GABBR2: variants seen among roughly 807,000 people sequenced by gnomAD.
GABBR2 encodes the protein gamma-aminobutyric acid type B receptor subunit 2.
Under a neutral mutation model 105.6 loss-of-function variants are expected in GABBR2, and 23 were observed. The ratio of observed to expected loss-of-function variants is 0.22; its 90% CI spans 0.16 to 0.31. The LOEUF (loss-of-function observed/expected upper bound fraction) is 0.31. GABBR2 is among the 10% of genes least tolerant of loss of function. GABBR2 has a pLI of 1.00. For missense variants in GABBR2, 734 were observed against 1,245.5 expected, an observed-to-expected ratio of 0.59 and a Z score of 6.18; for synonymous variants, 478 against 499.7, an observed-to-expected ratio of 0.96 and a Z score of 0.58.
chr9:98,679,851 T>C (rs1225409776), intron 1 of GABBR2, among the ~76,000 whole-genome samples: 2 of 152,172 alleles, frequency 1.3e-5, no homozygotes, highest in Non-Finnish European at 2.9e-5. Context: ...GGCAAATTCC[T>C]CCCAGTTTAT....
At chr9:98,514,771 C>T (rs1827724456) in intron 3 of GABBR2, among the ~76,000 whole-genome samples, 1 of 152,042 alleles carries the variant, frequency 6.6e-6, no homozygotes, top group South Asian at 2.1e-4. Context: ...GCACGTTGTG[C>T]ACATGTACCC....
chr9:98,463,847 G>A (rs1008590638), intron 6 of GABBR2, among the ~76,000 whole-genome samples: 1 of 152,178 alleles, frequency 6.6e-6, no homozygotes, highest in African/African-American at 2.4e-5. Flanking sequence ...TGTTGACCGG[G>A]CTGGTGTCCA....
intron 1 of GABBR2, among the ~76,000 whole-genome samples, chr9:98,691,647 CTGTCCACAG>C (rs2131878884): frequency 6.6e-6 from 1 of 152,338 alleles, no homozygotes; most frequent in African/African-American, 2.4e-5. Context: ...GTTCAGCTCT[CTGTCCACAG>C]TGTCTCTTGC....
chr9:98,593,486 G>C lies in GABBR2; in HGVS notation c.322-15414C>G, dbSNP rs142971507. On this transcript the variant is annotated intron_variant, in intron 1 of 18. Coordinates refer to ENST00000259455, the MANE Select transcript of GABBR2 (RefSeq NM_005458.8). ...GAACAAGAGGAAGAGTAGCCTCTAG[G>C]AGAGAGGGGAGTCCTAGTTTCCTTC... 4.8e-3 allele frequency among the ~76,000 whole-genome samples: 736 copies of C among 152,260 alleles called. 7 individuals carry two copies. Among genetic ancestry groups the C allele is most frequent in the African/African-American group, 0.016 (685 of 41,538 alleles).
rs376323708 is a variant in GABBR2 at position 98,684,169 on chromosome 9, T to TTAAAAAAAAAAAA, written c.321+24247_321+24248insTTTTTTTTTTTTA. Among the ~76,000 whole-genome samples the TTAAAAAAAAAAAA allele has an allele frequency of 2.6e-3, 173 of 66,138 alleles. 33 individuals are homozygous for TTAAAAAAAAAAAA. The highest frequency in any genetic ancestry group is 9.5e-3 in the East Asian group (18 of 1,890). 43.4% of individuals were successfully genotyped at this position (66,138 alleles called of 152,430 possible). On this transcript the variant is annotated intron_variant, in intron 1 of 18. Transcript: ENST00000259455. ...AAAAGAAGAATGCATTTTACCACGG[T>TTAAAAAAAAAAAA]AAAAAAAAAAAAAAAAAAAAAAAAA... is the stretch of plus-strand genomic sequence containing the variant.
chr9:98,595,218 C>T (rs2131799296), intron 1 of GABBR2, among the ~76,000 whole-genome samples: 1 of 152,162 alleles, frequency 6.6e-6, no homozygotes, highest in African/African-American at 2.4e-5. Flanking sequence ...TGGGTCCTCA[C>T]ATGGTGGGAG....
intron 1 of GABBR2, among the ~76,000 whole-genome samples, chr9:98,666,997 T>C (rs1588275430): frequency 6.6e-6 from 1 of 152,212 alleles, no homozygotes; most frequent in East Asian, 1.9e-4. Flanking sequence ...TCCGTGGTCC[T>C]TTGCCCAATT....
chr9:98,354,283 C>T (rs1253783969), intron 13 of GABBR2, among the ~76,000 whole-genome samples: 1 of 152,152 alleles, frequency 6.6e-6, no homozygotes, highest in Non-Finnish European at 1.5e-5. Context: ...CTTCAGGGCC[C>T]TAGGATTTTT....
chr9:98,586,717 A>G (rs1829082714), intron 1 of GABBR2, among the ~76,000 whole-genome samples: 1 of 152,236 alleles, frequency 6.6e-6, no homozygotes, highest in African/African-American at 2.4e-5. Context: ...TTCACCTGAA[A>G]CTTGCCCTTA....
At position 98,480,449 on chromosome 9, in the gene GABBR2, A is replaced by G. The variant is rs1176263424; in HGVS notation, c.798+483T>C. On this transcript the variant is annotated intron_variant, in intron 5 of 18. Coordinates refer to ENST00000259455, the MANE Select transcript of GABBR2 (RefSeq NM_005458.8). ...TCCTCATCTGTAAAATGGGAAAATC[A>G]TAGTTGCTTCACATGGTTATTGAAA... Among the ~76,000 whole-genome samples the G allele has an allele frequency of 5.9e-5, 9 of 152,316 alleles. 1 individual carries two copies. Among genetic ancestry groups the G allele is most frequent in the Middle Eastern group, 3.4e-3 (1 of 294 alleles).
intron 1 of GABBR2, among the ~76,000 whole-genome samples, chr9:98,583,372 G>T (rs1214411860): frequency 2.0e-5 from 3 of 152,194 alleles, no homozygotes; most frequent in African/African-American, 7.2e-5. Context: ...CCCCTCAGGG[G>T]CGTAAAGCCC....
intron 7 of GABBR2, among the ~76,000 whole-genome samples, chr9:98,433,220 G>A (rs1825843515): frequency 6.6e-6 from 1 of 152,156 alleles, no homozygotes; most frequent in African/African-American, 2.4e-5. Context: ...TTAGTGAAGG[G>A]GAATTGACAG....
intron 2 of GABBR2, among the ~76,000 whole-genome samples, chr9:98,564,376 T>G (rs1564115863): frequency 1.3e-5 from 2 of 152,204 alleles, no homozygotes; most frequent in Non-Finnish European, 2.9e-5. Flanking sequence ...CAGGCCTAAC[T>G]GGGACAACGC....
At chr9:98,379,160 C>A (rs182086352) in intron 11 of GABBR2, among the ~76,000 whole-genome samples, 3 of 152,344 alleles carry the variant, frequency 2.0e-5, no homozygotes, top group African/African-American at 4.8e-5. Flanking sequence ...TAGGCAGGAC[C>A]CAAGTCTGTT....
chr9:98,658,302 T>C (rs1345506391), intron 1 of GABBR2, among the ~76,000 whole-genome samples: 1 of 152,176 alleles, frequency 6.6e-6, no homozygotes, highest in Non-Finnish European at 1.5e-5. Flanking sequence ...CAGAAGATTC[T>C]GACTGGGGCA....
chr9:98,380,563 G>C (rs1378155038), intron 11 of GABBR2, among the ~76,000 whole-genome samples: 2 of 152,238 alleles, frequency 1.3e-5, no homozygotes, highest in African/African-American at 4.8e-5. Context: ...TGTCCTTGCA[G>C]ACAGCTCCAC....
rs541717474 is a variant in GABBR2, at chr9:98,502,952, CAT to C, written c.631-6440_631-6439del. ...CCCACTCATTCATTTCTGATATTGA[CAT>C]CTCTTCTGTTTCAGGAACCGTCTGA... On this transcript the variant is annotated intron_variant, in intron 3 of 18. Transcript: ENST00000259455. Among the ~76,000 whole-genome samples the C allele has an allele frequency of 5.1e-3, 780 of 152,326 alleles. 8 individuals carry two copies. The highest frequency in any genetic ancestry group is 0.017 in the African/African-American group (707 of 41,566).
chr9:98,566,981 G>A (rs1442057500), intron 2 of GABBR2, among the ~76,000 whole-genome samples: 1 of 152,112 alleles, frequency 6.6e-6, no homozygotes, highest in Non-Finnish European at 1.5e-5. Context: ...TGTCCCCAGA[G>A]GGAGCTCATT....
chr9:98,707,102 G>A (rs1478138185), intron 1 of GABBR2: 1 of 152,248 alleles, frequency 6.6e-6, no homozygotes, highest in Non-Finnish European at 1.5e-5. Flanking sequence ...CACCGGTGAA[G>A]CGGGGGAGGC....
Sources: gnomAD v4.1 joint callset for allele counts (sites outside exome capture counted in the v4.1 genomes callset) on GRCh38, gnomAD v4.1.1 for gene constraint, MANE v1.5 for transcripts, NCBI Gene and HGNC (gene_info 2026-07-23, HGNC 2026-07-21) for gene names.